ITPR1: variants seen among roughly 807,000 people sequenced by gnomAD.
ITPR1 encodes inositol 1,4,5-trisphosphate-gated calcium channel ITPR1.
Under a neutral mutation model 318.4 loss-of-function variants are expected in ITPR1, and 96 were observed. That is an observed-to-expected ratio of 0.30 (90% CI 0.26 to 0.36). The LOEUF (loss-of-function observed/expected upper bound fraction) is 0.36, where lower values mean the gene tolerates loss of function less well. ITPR1 is among the 10% of genes least tolerant of loss of function. The pLI is 1.00. For missense variants in ITPR1, 2,440 were observed against 3,460.2 expected, an observed-to-expected ratio of 0.71 and a Z score of 7.40; for synonymous variants, 1,312 against 1,289.9, an observed-to-expected ratio of 1.02 and a Z score of -0.37.
In ITPR1 at chr3:4,592,011, G is replaced by A. The variant is rs539946760; in HGVS notation, c.164-35752G>A. The stretch of plus-strand genomic sequence containing the variant: ...CTTTGAGATCAGTCTTCCTGCTTTT[G>A]ATCTTTTGCCCTTGATCCATGTTTC... On this transcript the variant is annotated intron_variant, in intron 4 of 61. Transcript: ENST00000649015. Among the ~76,000 whole-genome samples the A allele has an allele frequency of 4.1e-4, 62 of 152,298 alleles. 1 individual carries two copies. In the South Asian group the frequency reaches 0.012, roughly 29 times the overall value.
intron 4 of ITPR1, among the ~76,000 whole-genome samples, chr3:4,613,840 A>T (rs1482099288): frequency 6.6e-6 from 1 of 152,112 alleles, no homozygotes; most frequent in Non-Finnish European, 1.5e-5. Context: ...ATATATGCAC[A>T]CGCCTTAAAT....
intron 2 of ITPR1, among the ~76,000 whole-genome samples, chr3:4,516,116 T>C (rs1363688567): frequency 6.6e-6 from 1 of 152,238 alleles, no homozygotes; most frequent in East Asian, 1.9e-4. Flanking sequence ...AGTCAGACTT[T>C]CCAGGTAACT....
At chr3:4,576,091 T>A (rs761615505) in intron 4 of ITPR1, among the ~76,000 whole-genome samples, 1 of 152,104 alleles carries the variant, frequency 6.6e-6, no homozygotes, top group East Asian at 1.9e-4. Flanking sequence ...AGTCGTTTTA[T>A]TGTTTGTTTT....
intron 14 of ITPR1, 43 bp downstream of exon 14, chr3:4,661,130 C>G: frequency 8.4e-7 from 1 of 1,190,104 alleles, no homozygotes; most frequent in Non-Finnish European, 1.3e-6. Context: ...TCTCGTGTTT[C>G]CTAATGAAAG....
intron 56 of ITPR1, among the ~76,000 whole-genome samples, chr3:4,812,884 G>C (rs1475987425): frequency 6.6e-6 from 1 of 152,192 alleles, no homozygotes; most frequent in South Asian, 2.1e-4. Context: ...AGTTTCAGCT[G>C]TTTGTCTTTA....
At chr3:4,542,398 G>A (rs2084544519) in intron 4 of ITPR1, among the ~76,000 whole-genome samples, 2 of 152,192 alleles carry the variant, frequency 1.3e-5, no homozygotes, top group Admixed American at 6.5e-5. Flanking sequence ...TTTGCCAGTT[G>A]CCAGAGATGC....
At chr3:4,738,740 G>GACCA (rs2043471957) in intron 44 of ITPR1, among the ~76,000 whole-genome samples, 1 of 151,798 alleles carries the variant, frequency 6.6e-6, no homozygotes, top group African/African-American at 2.4e-5. Flanking sequence ...ATGAATATTA[G>GACCA]TTTCATGGTT....
chr3:4,843,500 G>C (rs918081505), intron 61 of ITPR1, among the ~76,000 whole-genome samples: 3 of 152,178 alleles, frequency 2.0e-5, no homozygotes, highest in Admixed American at 1.3e-4. Context: ...TAGAAAAGCA[G>C]ATTCATGGGA....
intron 18 of ITPR1, 123 bp from the exon 19 acceptor site, chr3:4,669,531 A>T: frequency 1.1e-6 from 1 of 872,744 alleles, no homozygotes; most frequent in Non-Finnish European, 1.6e-6. Flanking sequence ...ATCAAGACTT[A>T]GAATGCTGCT....
chr3:4,711,647 C>G, intron 38 of ITPR1, 110 bp from the exon 39 acceptor site: 1 of 684,142 alleles, frequency 1.5e-6, no homozygotes, highest in Non-Finnish European at 2.6e-6. Flanking sequence ...CCTGAGAGCT[C>G]TTAATAAATA....
At chr3:4,823,430 A>G (rs1422624399) in intron 60 of ITPR1, among the ~76,000 whole-genome samples, 2 of 152,222 alleles carry the variant, frequency 1.3e-5, no homozygotes, top group Non-Finnish European at 2.9e-5. Flanking sequence ...ATGAATGGAT[A>G]AAGAAAATGT....
chr3:4,820,407 T>G (rs1449088707), intron 60 of ITPR1, among the ~76,000 whole-genome samples: 2 of 152,186 alleles, frequency 1.3e-5, no homozygotes, highest in Non-Finnish European at 2.9e-5. Context: ...CTTAATCACC[T>G]TACTTTCCGG....
At chr3:4,711,188 G>A (rs1324385663) in intron 38 of ITPR1, among the ~76,000 whole-genome samples, 1 of 144,926 alleles carries the variant, frequency 6.9e-6, no homozygotes, top group African/African-American at 2.6e-5. Context: ...TCCAGCCTGG[G>A]TGGCAGAACG....
intron 4 of ITPR1, among the ~76,000 whole-genome samples, chr3:4,588,021 C>T (rs1390514402): frequency 1.3e-5 from 2 of 152,138 alleles, no homozygotes; most frequent in African/African-American, 2.4e-5. Context: ...GATTTTCCCC[C>T]CTCTTGGTAT....
At chr3:4,787,741 A>T (rs759521862) in intron 51 of ITPR1, among the ~76,000 whole-genome samples, 4 of 152,076 alleles carry the variant, frequency 2.6e-5, no homozygotes, top group African/African-American at 9.7e-5. Context: ...AATAAAGTTA[A>T]TGGATCTGAA....
At chr3:4,833,684 C>T (rs1295852748) in intron 60 of ITPR1, among the ~76,000 whole-genome samples, 1 of 152,198 alleles carries the variant, frequency 6.6e-6, no homozygotes, top group East Asian at 1.9e-4. Context: ...CCTGTCTGCC[C>T]TCATCCCCAG....
At chr3:4,662,532 G>T (rs1327829784) in intron 15 of ITPR1, among the ~76,000 whole-genome samples, 1 of 152,096 alleles carries the variant, frequency 6.6e-6, no homozygotes, top group Non-Finnish European at 1.5e-5. Context: ...AGACCAGCCT[G>T]CCTAACATGG....
intron 34 of ITPR1, 45 bp downstream of exon 34, chr3:4,697,317 T>G (rs188918310): frequency 4.5e-4 from 397 of 881,078 alleles, no homozygotes; most frequent in Non-Finnish European, 5.8e-4. Flanking sequence ...GAGTGAGAGG[T>G]GTGTGTGTGT....
intron 44 of ITPR1, among the ~76,000 whole-genome samples, chr3:4,761,176 G>C (rs932786544): frequency 1.3e-5 from 2 of 152,046 alleles, no homozygotes. Flanking sequence ...AAATGTGCAG[G>C]TTTGTTACCT....
Sources: allele counts gnomAD v4.1 joint callset (sites outside exome capture counted in the v4.1 genomes callset), GRCh38; gene constraint gnomAD v4.1.1; transcripts MANE v1.5; gene names NCBI Gene and HGNC (gene_info 2026-07-23, HGNC 2026-07-21).